The following MGAM variants were observed in gnomAD, a reference collection of about 807,000 sequenced individuals.
The protein encoded by MGAM is maltase-glucoamylase, also known as alpha-1,4-glucosidase.
MGAM carries 253 observed loss-of-function variants against 358.8 expected under a neutral mutation model. The observed-to-expected ratio is 0.71, with a 90% CI of 0.64 to 0.78. MGAM has a LOEUF of 0.78. Among genes scored for constraint, MGAM ranks in the 30% least tolerant of loss-of-function variants. The pLI is 0.00. For synonymous variants in MGAM, 1,105 were observed against 1,227.1 expected, an observed-to-expected ratio of 0.90 and a Z score of 2.08; for missense variants, 3,080 against 3,432.6, an observed-to-expected ratio of 0.90 and a Z score of 2.57.
At chr7:142,019,495 A>G (rs1315404373) in intron 4 of MGAM, among the ~76,000 whole-genome samples, 176 bp downstream of exon 4, 5 of 152,216 alleles carry the variant, frequency 3.3e-5, no homozygotes, top group Admixed American at 1.3e-4. Flanking sequence ...AGGAAAAATT[A>G]TTCTCTGCCT....
At chr7:142,065,232 C>T (rs1054920735) in intron 37 of MGAM, 103 bp from the exon 38 acceptor site, 170 of 1,465,820 alleles carry the variant, frequency 1.2e-4, no homozygotes, top group African/African-American at 9.8e-5. Flanking sequence ...CCTCCAGTCA[C>T]GCAGCAAACA....
rs371345330 is a variant in MGAM, at chr7:142,061,701, C to T, written c.4123-867C>T. The stretch of plus-strand genomic sequence containing the variant: ...TGATTATCATAGAGGAGGCTATTTA[C>T]TGAGACAAACAAAGGACTGTAATGT... On this transcript the variant is annotated intron_variant, in intron 34 of 70. Transcript: ENST00000475668. Among the ~76,000 whole-genome samples, 78 of 152,246 alleles carry T rather than the reference C, an allele frequency of 5.1e-4. 1 individual carries two copies. The highest frequency in any genetic ancestry group is 3.4e-3 in the Middle Eastern group (1 of 294).
chr7:142,064,608 C>T, intron 37 of MGAM, 86 bp downstream of exon 37: 2 of 1,481,544 alleles, frequency 1.3e-6, no homozygotes, highest in South Asian at 1.3e-5. Flanking sequence ...TCCTTTCATT[C>T]CATTTCTAAG....
chr7:142,011,883 G>A (rs2128988084), intron 3 of MGAM, among the ~76,000 whole-genome samples: 1 of 152,212 alleles, frequency 6.6e-6, no homozygotes, highest in East Asian at 1.9e-4. Context: ...TTCACTTTGA[G>A]GTTAAATGAA....
chr7:142,005,794 G>A, intron 2 of MGAM, 137 bp downstream of exon 2: 1 of 838,914 alleles, frequency 1.2e-6, no homozygotes, highest in Non-Finnish European at 1.8e-6. Flanking sequence ...TGTGTTCTAT[G>A]TGTTTTGGAC....
At chr7:142,076,525 A>G (rs1813753712) in intron 46 of MGAM, 134 bp from the exon 47 acceptor site, 3 of 918,730 alleles carry the variant, frequency 3.3e-6, no homozygotes, top group East Asian at 2.5e-5. Context: ...TCTTGAGCAG[A>G]CACTAGTAGA....
At chr7:142,025,851 A>G (rs1450852068) in intron 8 of MGAM, among the ~76,000 whole-genome samples, 2 of 152,224 alleles carry the variant, frequency 1.3e-5, no homozygotes, top group Non-Finnish European at 2.9e-5. Flanking sequence ...ATGATCTAAC[A>G]TGATTCTAGG....
chr7:142,088,850 T>C, intron 57 of MGAM, among the ~76,000 whole-genome samples: 2 of 142,352 alleles, frequency 1.4e-5, no homozygotes, highest in African/African-American at 4.9e-5. Context: ...TCTATCTATC[T>C]ATCTATCTAT....
chr7:142,010,304 A>T (rs1554453995), intron 3 of MGAM, among the ~76,000 whole-genome samples: 1 of 152,114 alleles, frequency 6.6e-6, no homozygotes, highest in African/African-American at 2.4e-5. Flanking sequence ...GTTGGAGGGC[A>T]TCTTCACTGA....
At chr7:142,023,434 T>C (rs1021397457) in intron 7 of MGAM, among the ~76,000 whole-genome samples, 2 of 151,566 alleles carry the variant, frequency 1.3e-5, no homozygotes, top group Admixed American at 6.6e-5. Flanking sequence ...ATTAGTCATA[T>C]ATATATATAT....
chr7:142,040,005 TA>T, intron 19 of MGAM, 109 bp from the exon 20 acceptor site: 1 of 830,778 alleles, frequency 1.2e-6, no homozygotes. Flanking sequence ...AAGAAAGGCA[TA>T]ATAGCAGGGC....
At chr7:141,992,060 G>C (rs1169603809), upstream of MGAM, among the ~76,000 whole-genome samples, 2 of 152,178 alleles carry the variant, frequency 1.3e-5, no homozygotes, top group Non-Finnish European at 2.9e-5. Flanking sequence ...TCGAATGAGA[G>C]ATTGGCATAT....
rs1450108143 is a variant in MGAM at position 142,038,552 on chromosome 7, T to G, written c.2253T>G (p.Thr751=). 1.9e-6 allele frequency: 3 copies of G among 1,611,022 alleles called. No individual in the cohort carries two copies. Among genetic ancestry groups the G allele is most frequent in the Non-Finnish European group, 2.5e-6 (3 of 1,178,586 alleles). The change falls in exon 19 of 71, where the codon ACT becomes ACG. Residue 751 remains threonine, a synonymous_variant. Transcript: ENST00000475668. ...TCAGGTTCTACGAGGACAACAGCAC[T>G]TGGGATGTGCACCAACAGTTCTTAT... The part of the protein sequence containing the change: ...LLHEFYEDNS[T]WDVHQQFLWG...
intron 21 of MGAM, among the ~76,000 whole-genome samples, chr7:142,046,191 A>C (rs1038865290): frequency 2.0e-5 from 3 of 147,002 alleles, no homozygotes; most frequent in Non-Finnish European, 4.5e-5. Flanking sequence ...TTTGCTCCTT[A>C]GATGATTTTG....
At chr7:142,048,516 A>ATTTTTTTTTTTTTTTTTTTTTTTTTTTTT (rs1563163857) in intron 22 of MGAM, among the ~76,000 whole-genome samples, 1 of 151,944 alleles carries the variant, frequency 6.6e-6, no homozygotes, top group Non-Finnish European at 1.5e-5. Context: ...CCGTAACCCA[A>ATTTTTTTTTTTTTTTTTTTTTTTTTTTTT]TGTTAATGTC....
intron 66 of MGAM, among the ~76,000 whole-genome samples, chr7:142,099,063 G>A (rs542386340): frequency 2.6e-5 from 4 of 152,290 alleles, no homozygotes; most frequent in African/African-American, 9.6e-5. Flanking sequence ...AACAATAACT[G>A]CTTCTTACCT....
intron 53 of MGAM, 110 bp downstream of exon 53, chr7:142,083,523 C>T: frequency 1.2e-6 from 1 of 812,854 alleles, no homozygotes; most frequent in Admixed American, 2.9e-5. Flanking sequence ...ATTGGTATTA[C>T]TTGGAAAGAG....
intron 16 of MGAM, 31 bp downstream of exon 16, chr7:142,034,872 C>T: frequency 6.3e-7 from 1 of 1,581,686 alleles, no homozygotes; most frequent in Non-Finnish European, 8.6e-7. Context: ...CTCTTATGAA[C>T]CTGAATTCCC....
chr7:142,094,463 A>G lies in MGAM; in HGVS notation c.7272A>G (p.Thr2424=), dbSNP rs3087322. The change falls in exon 61 of 71, where the codon ACA becomes ACG. Residue 2424 remains threonine, a synonymous_variant. Transcript: ENST00000475668. The part of the protein sequence containing the change: ...RWAGHWLGDN[T]AAWDQLKKSI... ...CAGGACATTGGCTGGGAGACAACAC[A>G]GCCGCGTGGGATCAGCTGAAGAAGT... 0.22 allele frequency: 341,864 copies of G among 1,529,894 alleles called. 78,765 individuals carry two copies. Among genetic ancestry groups the G allele is most frequent in the South Asian group, 0.35 (30,224 of 86,326 alleles). The allele number at this position is 1,529,894 out of a possible 1,614,324, so 94.8% of individuals were successfully genotyped here. A position where few individuals can be genotyped will look rare whatever the true frequency, so the allele number is the denominator to read the frequency against.
Sources: allele counts gnomAD v4.1 joint callset (sites outside exome capture counted in the v4.1 genomes callset), GRCh38; gene constraint gnomAD v4.1.1; transcripts MANE v1.5; gene names NCBI Gene and HGNC (gene_info 2026-07-23, HGNC 2026-07-21).